The following SHROOM3 variants were observed in gnomAD, a reference collection of about 807,000 sequenced individuals.
SHROOM3 encodes protein Shroom3.
Under a neutral mutation model 138.6 loss-of-function variants are expected in SHROOM3, and 47 were observed. The observed-to-expected ratio is 0.34, with a 90% CI of 0.27 to 0.43. The LOEUF is 0.43. Among genes scored for constraint, SHROOM3 ranks in the 20% least tolerant of loss-of-function variants. The pLI is 1.00. For missense variants in SHROOM3, 2,491 were observed against 2,596.5 expected (o/e 0.96, Z 0.88); for synonymous variants, 1,062 against 1,063.3 (o/e 1.00, Z 0.02).
chr4:76,659,714 T>C (rs568184788), intron 2 of SHROOM3, among the ~76,000 whole-genome samples: 2 of 152,284 alleles, frequency 1.3e-5, no homozygotes, highest in Non-Finnish European at 2.9e-5. Context: ...CCAAAGTAGC[T>C]GGGACTACAG....
intron 1 of SHROOM3, among the ~76,000 whole-genome samples, chr4:76,505,575 A>C (rs1163915658): frequency 6.6e-6 from 1 of 152,014 alleles, no homozygotes; most frequent in Non-Finnish European, 1.5e-5. Context: ...ATAAATAATA[A>C]TACAACAATA....
chr4:76,581,384 C>A (rs1734050397), intron 2 of SHROOM3, among the ~76,000 whole-genome samples: 1 of 152,208 alleles, frequency 6.6e-6, no homozygotes, highest in Non-Finnish European at 1.5e-5. Flanking sequence ...TGATTCTCAT[C>A]TGTAATTCCA....
intron 2 of SHROOM3, among the ~76,000 whole-genome samples, chr4:76,582,503 C>G (rs1328800287): frequency 6.6e-6 from 1 of 152,152 alleles, no homozygotes; most frequent in Non-Finnish European, 1.5e-5. Flanking sequence ...AGGAAAAAGA[C>G]CAGCGGAAAT....
At chr4:76,527,494 A>G (rs1276449380) in intron 1 of SHROOM3, among the ~76,000 whole-genome samples, 2 of 152,160 alleles carry the variant, frequency 1.3e-5, no homozygotes, top group African/African-American at 4.8e-5. Flanking sequence ...GAGGTGGGAG[A>G]ATTGCTTGAA....
In SHROOM3 at chr4:76,609,333, A is replaced by G. The variant is rs1734714054; in HGVS notation, c.323+53570A>G. On this transcript the variant is annotated intron_variant, in intron 2 of 10. Coordinates refer to ENST00000296043, the MANE Select transcript of SHROOM3 (RefSeq NM_020859.4). ...GAGACAGGATCTTGCTCTGTCAGCC[A>G]GGCTGGAACACAGATCACAGCTCAT... Among the ~76,000 whole-genome samples, 3 of 152,176 alleles carry G rather than the reference A, an allele frequency of 2.0e-5. No homozygotes were observed. The South Asian group carries it at 6.2e-4, about 32-fold the overall frequency.
chr4:76,692,232 A>T (rs1719574934), intron 2 of SHROOM3, among the ~76,000 whole-genome samples: 1 of 152,210 alleles, frequency 6.6e-6, no homozygotes, highest in African/African-American at 2.4e-5. Flanking sequence ...TTCTTCATGC[A>T]TGTCAGAAAC....
rs933413239 is a variant in SHROOM3 at position 76,508,396 on chromosome 4, T to A, written c.169-47213T>A. 2.6e-5 allele frequency among the ~76,000 whole-genome samples: 4 copies of A among 152,210 alleles called. No individual in the cohort carries two copies. The East Asian group carries it at 5.8e-4, about 22-fold the overall frequency. On this transcript the variant is annotated intron_variant, in intron 1 of 10. Coordinates refer to ENST00000296043, the MANE Select transcript of SHROOM3 (RefSeq NM_020859.4). ...GAGGGTTTATTTCTGAACTCACAATTCTATTATATTCTATTTATGTCTGTT... is the reference window on the plus strand; with the variant it reads ...GAGGGTTTATTTCTGAACTCACAATACTATTATATTCTATTTATGTCTGTT...
At chr4:76,491,669 A>AGGGCTCT (rs1731852773) in intron 1 of SHROOM3, among the ~76,000 whole-genome samples, 2 of 152,208 alleles carry the variant, frequency 1.3e-5, no homozygotes, top group Non-Finnish European at 2.9e-5. Context: ...AAGCTGACTC[A>AGGGCTCT]GAGCCCTGAC....
At chr4:76,565,657 A>AT (rs1560547637) in intron 2 of SHROOM3, among the ~76,000 whole-genome samples, 1 of 151,760 alleles carries the variant, frequency 6.6e-6, no homozygotes, top group East Asian at 1.9e-4. Flanking sequence ...TAATTTTTTT[A>AT]TTTTTTGTAG....
intron 1 of SHROOM3, among the ~76,000 whole-genome samples, chr4:76,505,068 A>C (rs1026621118): frequency 7.2e-5 from 11 of 152,228 alleles, no homozygotes; most frequent in Non-Finnish European, 4.4e-5. Flanking sequence ...TCTTGTGGAC[A>C]TGAGAGAATG....
At chr4:76,710,365 A>C in intron 3 of SHROOM3, 78 bp downstream of exon 3, 1 of 1,564,756 alleles carries the variant, frequency 6.4e-7, no homozygotes, top group Non-Finnish European at 8.7e-7. Flanking sequence ...CTGGGAGAGG[A>C]GTCGGGGGCA....
At position 76,779,000 on chromosome 4, in the gene SHROOM3, G is replaced by GGATGAC; in HGVS notation, c.5815_5820dup (p.Asp1939_Asp1940dup). The GGATGAC allele has an allele frequency of 6.2e-7, 1 of 1,614,170 alleles. No homozygotes were observed. The highest frequency in any genetic ancestry group is 8.5e-7 in the Non-Finnish European group (1 of 1,180,026). On this transcript the variant is annotated inframe_insertion, in exon 11 of 11. Coordinates refer to ENST00000296043, the MANE Select transcript of SHROOM3 (RefSeq NM_020859.4). ...CGCTCCTCATTGAGCAACGGAAGCT[G>GGATGAC]GATGACAAGATCAAGCTGGGCCAGG...
At chr4:76,709,850 A>C (rs1290143804) in intron 2 of SHROOM3, 1 of 329,364 alleles carries the variant, frequency 3.0e-6, no homozygotes, top group Non-Finnish European at 5.8e-6. Flanking sequence ...GTTTGTCTTT[A>C]TAACAGTTAA....
chr4:76,507,409 A>G (rs1732234178), intron 1 of SHROOM3, among the ~76,000 whole-genome samples: 1 of 152,092 alleles, frequency 6.6e-6, no homozygotes, highest in Non-Finnish European at 1.5e-5. Flanking sequence ...AATACTTGTT[A>G]TTATGTCTTT....
chr4:76,516,223 C>T (rs1418511854), intron 1 of SHROOM3, among the ~76,000 whole-genome samples: 1 of 152,202 alleles, frequency 6.6e-6, no homozygotes, highest in Non-Finnish European at 1.5e-5. Context: ...TATCTCTTCT[C>T]CGTCATTTCT....
At chr4:76,700,221 A>G (rs975051562) in intron 2 of SHROOM3, among the ~76,000 whole-genome samples, 3 of 152,202 alleles carry the variant, frequency 2.0e-5, no homozygotes, top group African/African-American at 7.2e-5. Flanking sequence ...TTTCACCAGC[A>G]TTTGGACAAA....
At chr4:76,564,941 T>C (rs973341002) in intron 2 of SHROOM3, among the ~76,000 whole-genome samples, 2 of 151,666 alleles carry the variant, frequency 1.3e-5, no homozygotes, top group East Asian at 1.9e-4. Flanking sequence ...GCTGGCAGAT[T>C]ATGAGGTCAG....
At chr4:76,445,507 T>C (rs1034097466) in intron 1 of SHROOM3, among the ~76,000 whole-genome samples, 1 of 152,104 alleles carries the variant, frequency 6.6e-6, no homozygotes, top group Admixed American at 6.5e-5. Context: ...TAATAAGAAA[T>C]AAGAAGCCAG....
chr4:76,688,961 CTT>C (rs71212442), intron 2 of SHROOM3: 87,931 of 813,520 alleles, frequency 0.11, 802 homozygotes, highest in East Asian at 0.27. Context: ...GTAATGCGAG[CTT>C]TTTTTTTTTT....
Sources: gnomAD v4.1 joint callset for allele counts (sites outside exome capture counted in the v4.1 genomes callset) on GRCh38, gnomAD v4.1.1 for gene constraint, MANE v1.5 for transcripts, NCBI Gene and HGNC (gene_info 2026-07-23, HGNC 2026-07-21) for gene names.